The following PRKN variants were observed in gnomAD, a reference collection of about 807,000 sequenced individuals.
PRKN encodes the protein E3 ubiquitin-protein ligase parkin.
A neutral mutation model predicts 59.5 loss-of-function variants in PRKN; 56 were observed. The observed-to-expected ratio is 0.94, with a 90% CI of 0.76 to 1.18. The LOEUF is 1.18. Among genes scored for constraint, PRKN ranks in the 50% most tolerant of loss-of-function variants. PRKN has a pLI of 0.00. For missense variants in PRKN, 657 were observed against 596.4 expected, an observed-to-expected ratio of 1.10 and a Z score of -1.06; for synonymous variants, 250 against 222.1, an observed-to-expected ratio of 1.13 and a Z score of -1.12.
intron 3 of PRKN, among the ~76,000 whole-genome samples, chr6:162,225,290 C>G (rs753050652): frequency 3.9e-5 from 6 of 152,264 alleles, no homozygotes; most frequent in Middle Eastern, 3.4e-3. Flanking sequence ...CCTTATGACC[C>G]AAGCACCTCC....
intron 2 of PRKN, among the ~76,000 whole-genome samples, chr6:162,423,231 T>G (rs550333114): frequency 3.8e-4 from 58 of 152,278 alleles, no homozygotes; most frequent in African/African-American, 1.4e-3. Flanking sequence ...GCTTTATATA[T>G]GTACACATCA....
At chr6:161,652,993 A>G (rs1267491380) in intron 7 of PRKN, among the ~76,000 whole-genome samples, 27 of 152,246 alleles carry the variant, frequency 1.8e-4, no homozygotes, top group Admixed American at 1.7e-3. Context: ...ACTATCCCGT[A>G]CACATCTTGC....
intron 2 of PRKN, among the ~76,000 whole-genome samples, chr6:162,302,329 T>C (rs573832873): frequency 4.3e-5 from 6 of 138,466 alleles, no homozygotes; most frequent in Admixed American, 6.8e-5. Flanking sequence ...TGTTAGGTTA[T>C]GTTATAAGAC....
chr6:162,720,701 C>T (rs568098666), intron 1 of PRKN, among the ~76,000 whole-genome samples: 2 of 152,036 alleles, frequency 1.3e-5, no homozygotes, highest in Non-Finnish European at 1.5e-5. Flanking sequence ...CCACCCGCCT[C>T]GGCCTCCCAA....
intron 6 of PRKN, among the ~76,000 whole-genome samples, chr6:161,875,005 T>C (rs867234429): frequency 9.7e-6 from 1 of 103,326 alleles, no homozygotes; most frequent in South Asian, 2.9e-4. Flanking sequence ...TATAATATAT[T>C]ATATATTATA....
At chr6:161,972,539 C>T (rs1780859519) in intron 6 of PRKN, among the ~76,000 whole-genome samples, 1 of 152,164 alleles carries the variant, frequency 6.6e-6, no homozygotes. Flanking sequence ...AGGCCATCTC[C>T]ACATTTGCTT....
chr6:162,380,967 G>T (rs1050384748), intron 2 of PRKN, among the ~76,000 whole-genome samples: 1 of 152,114 alleles, frequency 6.6e-6, no homozygotes, highest in African/African-American at 2.4e-5. Context: ...AGTGGCCGCC[G>T]TGGTCCAGAT....
intron 4 of PRKN, among the ~76,000 whole-genome samples, chr6:162,109,743 T>C (rs1474068260): frequency 6.6e-6 from 1 of 152,230 alleles, no homozygotes; most frequent in Non-Finnish European, 1.5e-5. Context: ...CCTTAAACAC[T>C]TTCCAACATC....
At chr6:161,902,565 T>TCTA (rs1338429919) in intron 6 of PRKN, among the ~76,000 whole-genome samples, 1 of 111,722 alleles carries the variant, frequency 9.0e-6, no homozygotes, top group African/African-American at 3.3e-5. Flanking sequence ...TATTTATTTA[T>TCTA]TTTTTTTTTT....
chr6:161,755,602 G>C (rs915554797), intron 7 of PRKN, among the ~76,000 whole-genome samples: 29 of 151,896 alleles, frequency 1.9e-4, no homozygotes, highest in Admixed American at 5.9e-4. Context: ...AAGCAGAATT[G>C]AAATTATGAT....
chr6:161,891,488 T>C (rs2128232163), intron 6 of PRKN, among the ~76,000 whole-genome samples: 1 of 152,336 alleles, frequency 6.6e-6, no homozygotes, highest in African/African-American at 2.4e-5. Flanking sequence ...TATTAGGGTC[T>C]TCTCCTGGGT....
At chr6:162,390,761 G>C (rs190837686) in intron 2 of PRKN, among the ~76,000 whole-genome samples, 2 of 151,930 alleles carry the variant, frequency 1.3e-5, no homozygotes, top group Admixed American at 6.6e-5. Context: ...GTATATTAAC[G>C]GTCAGTTTAG....
chr6:162,072,822 A>G (rs1778637737), intron 4 of PRKN, among the ~76,000 whole-genome samples: 1 of 152,234 alleles, frequency 6.6e-6, no homozygotes, highest in Non-Finnish European at 1.5e-5. Flanking sequence ...CGTAACAAAC[A>G]GGACTGATAG....
At chr6:161,531,923 C>T (rs1341637125) in intron 9 of PRKN, among the ~76,000 whole-genome samples, 1 of 151,924 alleles carries the variant, frequency 6.6e-6, no homozygotes, top group Non-Finnish European at 1.5e-5. Flanking sequence ...TTTAGGGATA[C>T]ATAGAAAAAG....
At chr6:162,193,469 T>C (rs1370443874) in intron 4 of PRKN, among the ~76,000 whole-genome samples, 1 of 152,148 alleles carries the variant, frequency 6.6e-6, no homozygotes, top group Admixed American at 6.6e-5. Context: ...CGGCTATCAC[T>C]CCTCCCTGAA....
chr6:162,499,170 C>T (rs1793243875), intron 1 of PRKN, among the ~76,000 whole-genome samples: 2 of 152,094 alleles, frequency 1.3e-5, no homozygotes, highest in Non-Finnish European at 2.9e-5. Flanking sequence ...CCTACTTCCA[C>T]CCTTTATTGT....
chr6:162,515,522 A>T (rs1023187782), intron 1 of PRKN, among the ~76,000 whole-genome samples: 1 of 152,218 alleles, frequency 6.6e-6, no homozygotes, highest in Admixed American at 6.5e-5. Context: ...GAAAGGGTAT[A>T]TAAGTATTGG....
chr6:161,481,010 G>C (rs1410039850), intron 9 of PRKN, among the ~76,000 whole-genome samples: 3 of 152,218 alleles, frequency 2.0e-5, no homozygotes, highest in Non-Finnish European at 4.4e-5. Flanking sequence ...CGAGACGCGG[G>C]CTCCAGGCAG....
rs188309577 is a variant in PRKN, at chr6:162,319,297, G to T, written c.172-56532C>A. On this transcript the variant is annotated intron_variant, in intron 2 of 11. Coordinates refer to ENST00000366898, the MANE Select transcript of PRKN (RefSeq NM_004562.3). ...GATCAGAATCTTTGGGGGTGGAGGA[G>T]CCCAAGCATCTGTAATATTAATACA... is the stretch of plus-strand genomic sequence containing the variant. Among the ~76,000 whole-genome samples the T allele has an allele frequency of 1.3e-3, 202 of 152,094 alleles. 3 individuals carry two copies. Among genetic ancestry groups the T allele is most frequent in the African/African-American group, 4.6e-3 (189 of 41,518 alleles).
Sources: gnomAD v4.1 joint callset for allele counts (sites outside exome capture counted in the v4.1 genomes callset) on GRCh38, gnomAD v4.1.1 for gene constraint, MANE v1.5 for transcripts, NCBI Gene and HGNC (gene_info 2026-07-23, HGNC 2026-07-21) for gene names.